The following ANKRD24 variants were observed in gnomAD, a reference collection of about 807,000 sequenced individuals.
ANKRD24 encodes the protein ankyrin repeat domain 24.
A neutral mutation model predicts 127.8 loss-of-function variants in ANKRD24; 109 were observed. The observed-to-expected ratio is 0.85, with a 90% CI of 0.73 to 1.00. The LOEUF is 1.00. Among genes scored for constraint, ANKRD24 ranks in the 50% least tolerant of loss-of-function variants. ANKRD24 has a pLI of 0.00. For missense variants in ANKRD24, 1,648 were observed against 1,570.2 expected (o/e 1.05, Z -0.84); for synonymous variants, 743 against 671.1 (o/e 1.11, Z -1.66).
intron 7 of ANKRD24, among the ~76,000 whole-genome samples, chr19:4,204,787 G>T (rs946833340): frequency 1.1e-4 from 16 of 152,316 alleles, no homozygotes; most frequent in African/African-American, 3.8e-4. Context: ...CTGCCACCTA[G>T]TGGCGGCAAT....
chr19:4,203,060 T>C, intron 7 of ANKRD24, 134 bp downstream of exon 7: 2 of 788,572 alleles, frequency 2.5e-6, no homozygotes, highest in Non-Finnish European at 1.9e-6. Context: ...TTCTTTTTTT[T>C]TTTTTGAGAC....
At chr19:4,202,796 A>G (rs7260407) in intron 6 of ANKRD24, 73 bp from the exon 7 acceptor site, 625,334 of 1,475,060 alleles carry the variant, frequency 0.42, 134,573 homozygotes, top group African/African-American at 0.54. Flanking sequence ...AGCCCAGGGT[A>G]GGGAAGGCAG....
At chr19:4,208,827 G>T in intron 11 of ANKRD24, 26 bp downstream of exon 11, 1 of 1,609,662 alleles carries the variant, frequency 6.2e-7, no homozygotes, top group Admixed American at 1.7e-5. Flanking sequence ...CAGTGAAGGA[G>T]CCCCTCCTCC....
At chr19:4,183,779 G>A (rs1967881884) in intron 1 of ANKRD24, among the ~76,000 whole-genome samples, 1 of 151,982 alleles carries the variant, frequency 6.6e-6, no homozygotes, top group African/African-American at 2.4e-5. Context: ...TGGGTGTGGT[G>A]GCCTGTAATC....
rs756922146 is a variant in ANKRD24, at chr19:4,202,851, G to T, written c.409-18G>T. 6.3e-7 allele frequency: 1 copy of T among 1,580,052 alleles called. No homozygotes were observed. The highest frequency in any genetic ancestry group is 8.6e-7 in the Non-Finnish European group (1 of 1,162,992). On this transcript the variant is annotated intron_variant, in intron 6 of 21. Coordinates refer to ENST00000318934, the MANE Select transcript of ANKRD24 (RefSeq NM_001393985.1). ...CAAGAAGGATGGCTCCGCCTCAAAG[G>T]ACTCGCCCCATCCCCAGGCTTCCTG...
At chr19:4,223,038 C>T (rs920070335) in intron 20 of ANKRD24, among the ~76,000 whole-genome samples, 11 of 152,014 alleles carry the variant, frequency 7.2e-5, no homozygotes, top group Admixed American at 5.9e-4. Flanking sequence ...CTCCACCTTC[C>T]GGGTTTAAGC....
At chr19:4,186,158 A>G (rs1257847321) in intron 1 of ANKRD24, 1 of 1,011,772 alleles carries the variant, frequency 9.9e-7, no homozygotes, top group African/African-American at 1.6e-5. Flanking sequence ...TGAGTTGGTC[A>G]AGAAAGGATC....
intron 7 of ANKRD24, among the ~76,000 whole-genome samples, chr19:4,205,276 A>C (rs1212817292): frequency 1.3e-5 from 2 of 152,220 alleles, no homozygotes; most frequent in Non-Finnish European, 2.9e-5. Flanking sequence ...ACAGTTATTG[A>C]GTACCTACTG....
Position 4,210,316 on chromosome 19 carries a change from C to A in ANKRD24, c.1003C>A (p.Arg335Ser), listed in dbSNP as rs371351586. 3 of 1,583,450 alleles carry A rather than the reference C, an allele frequency of 1.9e-6. No homozygotes were observed. Among genetic ancestry groups the A allele is most frequent in the African/African-American group, 1.3e-5 (1 of 74,324 alleles). The change falls in exon 13 of 22, where the codon CGC becomes AGC. Residue 335 changes from arginine to serine, a missense_variant. Coordinates refer to ENST00000318934, the MANE Select transcript of ANKRD24 (RefSeq NM_001393985.1). ...CGTGAGGCTGCGGCAGGAGAGGGGC[C>A]GCCTCCTGCAGAAGATCCGGGGCCT... ...EIVRLRQERG[R>S]LLQKIRGLEQ...
chr19:4,222,357 C>A (rs901348609), intron 19 of ANKRD24, among the ~76,000 whole-genome samples: 2 of 152,154 alleles, frequency 1.3e-5, no homozygotes, highest in Admixed American at 1.3e-4. Flanking sequence ...CCACTGCACT[C>A]CAGCCTGGGC....
chr19:4,203,383 G>A (rs914732226), intron 7 of ANKRD24, among the ~76,000 whole-genome samples: 8 of 151,854 alleles, frequency 5.3e-5, no homozygotes, highest in Admixed American at 5.3e-4. Flanking sequence ...GTCTTGCTCT[G>A]TTGCCCAGGC....
At chr19:4,213,190 C>T (rs1188277812) in intron 15 of ANKRD24, among the ~76,000 whole-genome samples, 8 of 152,028 alleles carry the variant, frequency 5.3e-5, no homozygotes, top group African/African-American at 1.9e-4. Context: ...TGTGCACAGA[C>T]ACAGAAAGGA....
At position 4,218,002 on chromosome 19, in the gene ANKRD24, G is replaced by T. The variant is rs368240733; in HGVS notation, c.2842G>T (p.Ala948Ser). 2 of 1,536,340 alleles carry T rather than the reference G, an allele frequency of 1.3e-6. No homozygotes were observed. The highest frequency in any genetic ancestry group is 1.7e-6 in the Non-Finnish European group (2 of 1,149,098). ...QEVVATGKEA[A>S]RLRAELERER... is the part of the protein sequence containing the mutation. ...GGTGGTGGCCACGGGCAAGGAGGCC[G>T]CCCGGCTGCGCGCGGAGCTGGAGCG... Residue 948 changes from alanine (A) to serine (S), a missense_variant, in exon 18 of 22, where the codon GCC becomes TCC. Transcript: ENST00000318934.
At chr19:4,203,071 G>A (rs1029652265) in intron 7 of ANKRD24, 145 bp downstream of exon 7, 54 of 692,730 alleles carry the variant, frequency 7.8e-5, no homozygotes, top group Non-Finnish European at 1.1e-4. Flanking sequence ...TTTTTGAGAC[G>A]GAGTCTCACT....
chr19:4,198,572 G>T lies in ANKRD24; in HGVS notation c.37-1111G>T. On this transcript the variant is annotated intron_variant, in intron 2 of 21. Transcript: ENST00000318934. The surrounding 1 kb of genome is among the most constrained non-coding windows in gnomAD (Gnocchi z 6.1). ...GGGGGCGCAGGAGCGGGCGGGGCGC[G>T]GGTACCTCCTCTCCCCTCCCTTCCC... 1 of 496,766 alleles carries T rather than the reference G, an allele frequency of 2.0e-6. No individual in the cohort carries two copies. The highest frequency in any genetic ancestry group is 5.3e-4 in the Middle Eastern group (1 of 1,898). The allele number at this position is 496,766 out of a possible 1,614,324, so 30.8% of individuals were successfully genotyped here.
At chr19:4,212,843 A>C in intron 15 of ANKRD24, 145 bp downstream of exon 15, 4 of 790,242 alleles carry the variant, frequency 5.1e-6, no homozygotes, top group Non-Finnish European at 3.9e-6. Flanking sequence ...CCACAAACCC[A>C]CAGTCTTGGC....
At chr19:4,220,616 G>A (rs1347427053) in intron 19 of ANKRD24, among the ~76,000 whole-genome samples, 2 of 152,070 alleles carry the variant, frequency 1.3e-5, no homozygotes, top group South Asian at 2.1e-4. Flanking sequence ...GTGCAGTGGC[G>A]TGATCTTGGC....
chr19:4,197,515 T>C lies in ANKRD24; in HGVS notation c.37-2168T>C, dbSNP rs140193137. On this transcript the variant is annotated intron_variant, in intron 2 of 21. Transcript: ENST00000318934. ...GTGAGTTAATGAATGCAGGAATGAG[T>C]GAATGCAGGAAGGAATGGTGTGGGA... Among the ~76,000 whole-genome samples the C allele has an allele frequency of 7.3e-4, 110 of 151,196 alleles. 2 individuals carry two copies. The East Asian group carries it at 0.021, about 29-fold the overall frequency.
chr19:4,186,314 G>A, intron 1 of ANKRD24, 76 bp from the exon 2 acceptor site: 2 of 1,532,230 alleles, frequency 1.3e-6, no homozygotes, highest in South Asian at 1.2e-5. Context: ...GTCCTTTTGA[G>A]GAGGGCGAGG....
Sources: allele counts gnomAD v4.1 joint callset (sites outside exome capture counted in the v4.1 genomes callset), GRCh38; gene constraint gnomAD v4.1.1; non-coding constraint Gnocchi (gnomAD v3.1); transcripts MANE v1.5; gene names NCBI Gene and HGNC (gene_info 2026-07-23, HGNC 2026-07-21).